Variants in POC5 observed in about 807,000 individuals in gnomAD.
POC5 encodes the protein POC5 centriolar protein, also known as centrosomal protein POC5.
A neutral mutation model predicts 62.9 loss-of-function variants in POC5; 48 were observed. The ratio of observed to expected loss-of-function variants is 0.76; its 90% CI spans 0.61 to 0.97. The LOEUF is 0.97. POC5 is among the 50% of genes least tolerant of loss of function. POC5 has a pLI of 0.00. For missense variants in POC5, 696 were observed against 679.5 expected, an observed-to-expected ratio of 1.02 and a Z score of -0.27; for synonymous variants, 236 against 228.2, an observed-to-expected ratio of 1.03 and a Z score of -0.31.
intron 10 of POC5, among the ~76,000 whole-genome samples, chr5:75,682,728 C>T (rs576118457): frequency 3.9e-5 from 6 of 152,040 alleles, no homozygotes; most frequent in African/African-American, 1.2e-4. Flanking sequence ...CATTGGCCAG[C>T]GTGGTCTCAA....
At chr5:75,685,995 CAAAAAT>C (rs1289596708) in intron 9 of POC5, among the ~76,000 whole-genome samples, 1 of 152,030 alleles carries the variant, frequency 6.6e-6, no homozygotes, top group African/African-American at 2.4e-5. Context: ...CGTCAGAAAA[CAAAAAT>C]AAATCAATAA....
At chr5:75,699,778 C>G (rs201439937) in intron 5 of POC5, among the ~76,000 whole-genome samples, 5,526 of 139,606 alleles carry the variant, frequency 0.04, 182 homozygotes, top group South Asian at 0.11. Flanking sequence ...AAGTCAAATT[C>G]TCCCTGTTTG....
intron 10 of POC5, among the ~76,000 whole-genome samples, chr5:75,678,599 T>G (rs1322118322): frequency 8.1e-6 from 1 of 124,220 alleles, no homozygotes; most frequent in Non-Finnish European, 1.8e-5. Context: ...CTTCTCATTT[T>G]ATTAATATAC....
In POC5 at chr5:75,690,444, T is replaced by C; in HGVS notation, c.914A>G (p.Gln305Arg). The stretch of plus-strand genomic sequence containing the variant: ...GATACAAACTTCTTCAGCTCTTGCT[T>C]GACAAGCTCTTTCTACCACATCTTT... ...QWKDVVERAC[Q>R]ARAEEVCIQI... Residue 305 changes from glutamine (Q) to arginine (R), a missense_variant, in exon 8 of 12, where the codon CAA becomes CGA. Physicochemically the swap from Gln to Arg is conservative, Grantham distance 43. Coordinates refer to ENST00000428202, the MANE Select transcript of POC5 (RefSeq NM_001099271.2). The C allele has an allele frequency of 1.2e-6, 2 of 1,612,442 alleles. No homozygotes were observed. The highest frequency in any genetic ancestry group is 1.7e-6 in the Non-Finnish European group (2 of 1,179,204).
intron 2 of POC5, among the ~76,000 whole-genome samples, chr5:75,710,263 T>C (rs1247798589): frequency 6.6e-6 from 1 of 152,192 alleles, no homozygotes; most frequent in Non-Finnish European, 1.5e-5. Flanking sequence ...TAAAGCACTA[T>C]TATACTTCCC....
At chr5:75,712,521 C>T in intron 2 of POC5, 1 of 1,400,800 alleles carries the variant, frequency 7.1e-7, no homozygotes, top group Non-Finnish European at 9.9e-7. Context: ...TATTAATTTG[C>T]ATTAAAAGTG....
At chr5:75,698,136 A>G (rs1243797846) in intron 5 of POC5, among the ~76,000 whole-genome samples, 1 of 139,792 alleles carries the variant, frequency 7.2e-6, no homozygotes, top group East Asian at 2.0e-4. Flanking sequence ...TTAACACCCC[A>G]CTGTCAACAT....
chr5:75,693,042 T>C (rs1249735251), intron 6 of POC5, among the ~76,000 whole-genome samples: 1 of 148,248 alleles, frequency 6.7e-6, no homozygotes, highest in Admixed American at 6.8e-5. Flanking sequence ...ATTATATATG[T>C]TATATATACC....
intron 6 of POC5, among the ~76,000 whole-genome samples, chr5:75,694,354 T>A (rs781056465): frequency 2.3e-4 from 35 of 152,096 alleles, no homozygotes; most frequent in East Asian, 1.9e-3. Flanking sequence ...TAAAAAAAAA[T>A]TTTTTTTAAA....
At chr5:75,680,275 C>T (rs1775818727) in intron 10 of POC5, among the ~76,000 whole-genome samples, 1 of 152,112 alleles carries the variant, frequency 6.6e-6, no homozygotes, top group African/African-American at 2.4e-5. Context: ...GGTGTCCTCT[C>T]AGTAGCCATG....
intron 10 of POC5, among the ~76,000 whole-genome samples, chr5:75,683,415 A>G (rs1775946302): frequency 6.6e-6 from 1 of 151,670 alleles, no homozygotes; most frequent in South Asian, 2.1e-4. Flanking sequence ...TTATATTTTT[A>G]GTAGAGACAG....
Position 75,689,073 on chromosome 5 carries a change from C to T in POC5, c.1068G>A (p.Met356Ile). ...HFEDSMKKAF[M>I]RGVCALNLEA... Reference sequence around the variant, plus strand: ...CAAGATTTAATGCACATACACCCCTCATGAAAGCTTTTTTCATGGAATCTT... The same window carrying T: ...CAAGATTTAATGCACATACACCCCTTATGAAAGCTTTTTTCATGGAATCTT... The change falls in exon 9 of 12, where the codon ATG becomes ATA. Residue 356 changes from methionine to isoleucine, a missense_variant. Met to Ile is a conservative substitution (Grantham distance 10, BLOSUM62 1). Transcript: ENST00000428202. 1 of 1,606,486 alleles carries T rather than the reference C, an allele frequency of 6.2e-7. No homozygotes were observed. The highest frequency in any genetic ancestry group is 8.5e-7 in the Non-Finnish European group (1 of 1,176,396).
chr5:75,702,686 T>C lies in POC5; in HGVS notation c.432A>G (p.Ile144Met), dbSNP rs1257130117. The change falls in exon 5 of 12, where the codon ATA (isoleucine) becomes ATG (methionine). Residue 144 changes from isoleucine (I) to methionine (M), a missense_variant. Physicochemically the swap from Ile to Met is conservative, Grantham distance 10. Transcript: ENST00000428202. The part of the protein sequence containing the change: ...TNSSHTDAHE[I>M]LVSDFLVSDE... ...CAGAAACAAGAAAATCGCTCACAAG[T>C]ATTTCATGGGCATCTGTATGACTAG... is the stretch of plus-strand genomic sequence containing the variant. The C allele has an allele frequency of 2.5e-6, 4 of 1,611,828 alleles. No individual in the cohort carries two copies. The South Asian group carries it at 3.3e-5, about 13-fold the overall frequency.
intron 1 of POC5, among the ~76,000 whole-genome samples, chr5:75,713,710 G>C (rs1777440349): frequency 6.6e-6 from 1 of 152,182 alleles, no homozygotes; most frequent in South Asian, 2.1e-4. Context: ...AAATAAGCAG[G>C]AAAGGAGGCA....
intron 6 of POC5, among the ~76,000 whole-genome samples, chr5:75,693,230 A>G (rs1776419757): frequency 6.6e-6 from 1 of 150,806 alleles, no homozygotes; most frequent in Non-Finnish European, 1.5e-5. Flanking sequence ...CAGTGATATT[A>G]TTACTCTTGT....
intron 10 of POC5, among the ~76,000 whole-genome samples, chr5:75,684,552 G>C (rs902035386): frequency 1.3e-5 from 2 of 151,962 alleles, no homozygotes; most frequent in Admixed American, 6.5e-5. Context: ...TTTTAGTAGA[G>C]GCGGGGTTTC....
chr5:75,677,740 CTT>C, intron 11 of POC5, 32 bp downstream of exon 11: 6 of 1,504,422 alleles, frequency 4.0e-6, no homozygotes, highest in Non-Finnish European at 5.3e-6. Flanking sequence ...AGGAAAAAGA[CTT>C]TTTGACAAAA....
At chr5:75,699,322 A>G (rs1374907830) in intron 5 of POC5, among the ~76,000 whole-genome samples, 1 of 152,014 alleles carries the variant, frequency 6.6e-6, no homozygotes, top group Non-Finnish European at 1.5e-5. Context: ...ATCCTCAACA[A>G]AATACTGGCA....
rs1777410781 is a variant in POC5, at chr5:75,712,948, T to C, written c.-11A>G. On this transcript the variant is annotated 5_prime_UTR_variant, in exon 2 of 12. Transcript: ENST00000428202. The stretch of plus-strand genomic sequence containing the variant: ...CTCATCTGATGACATTCTGCACAAA[T>C]GCTCTAAAACAGTAGAAGCTAACTT... The C allele has an allele frequency of 6.2e-7, 1 of 1,602,402 alleles. No individual in the cohort carries two copies. The highest frequency in any genetic ancestry group is 1.1e-5 in the South Asian group (1 of 88,644).
Sources: gnomAD v4.1 joint callset for allele counts (sites outside exome capture counted in the v4.1 genomes callset) on GRCh38, gnomAD v4.1.1 for gene constraint, MANE v1.5 for transcripts, NCBI Gene and HGNC (gene_info 2026-07-23, HGNC 2026-07-21) for gene names.